ODAD2: variants seen among roughly 807,000 people sequenced by gnomAD.
The protein encoded by ODAD2 is outer dynein arm-docking complex subunit 2.
ODAD2 carries 89 observed loss-of-function variants against 106.8 expected under a neutral mutation model. The observed-to-expected ratio is 0.83, with a 90% CI of 0.70 to 0.99. ODAD2 has a LOEUF of 0.99. Ranked by LOEUF, ODAD2 falls within the 50% of genes least tolerant of loss-of-function variation. ODAD2 has a pLI of 0.00. For synonymous variants in ODAD2, 404 were observed against 436.2 expected, an observed-to-expected ratio of 0.93 and a Z score of 0.92; for missense variants, 1,168 against 1,238.5, an observed-to-expected ratio of 0.94 and a Z score of 0.85.
intron 15 of ODAD2, among the ~76,000 whole-genome samples, chr10:27,936,102 G>A (rs1019031240): frequency 4.6e-5 from 7 of 152,036 alleles, no homozygotes; most frequent in African/African-American, 9.7e-5. Context: ...TTAAATGGTC[G>A]GGACGTGAAT....
intron 16 of ODAD2, among the ~76,000 whole-genome samples, chr10:27,918,213 C>T (rs1398278677): frequency 1.3e-5 from 2 of 151,864 alleles, no homozygotes; most frequent in Non-Finnish European, 1.5e-5. Context: ...TTGACAAAGA[C>T]ATTACAAGGA....
At chr10:27,983,353 T>C (rs1849676613) in intron 6 of ODAD2, among the ~76,000 whole-genome samples, 2 of 152,178 alleles carry the variant, frequency 1.3e-5, no homozygotes, top group East Asian at 3.9e-4. Flanking sequence ...TGGTCTGAAC[T>C]CTGTGGGGAC....
At chr10:27,891,291 T>A (rs1842546045) in intron 17 of ODAD2, among the ~76,000 whole-genome samples, 1 of 152,168 alleles carries the variant, frequency 6.6e-6, no homozygotes, top group South Asian at 2.1e-4. Context: ...CTCTTCTCTT[T>A]TGGGGAATCA....
intron 17 of ODAD2, among the ~76,000 whole-genome samples, chr10:27,896,750 G>A (rs571248509): frequency 1.3e-5 from 2 of 152,110 alleles, no homozygotes; most frequent in South Asian, 2.1e-4. Context: ...TTCTAGATAC[G>A]TAGATATATG....
intron 19 of ODAD2, among the ~76,000 whole-genome samples, chr10:27,858,086 C>A (rs920468866): frequency 2.0e-5 from 3 of 152,184 alleles, no homozygotes; most frequent in Non-Finnish European, 4.4e-5. Context: ...TTACCTGGCT[C>A]GTGAAATCTT....
At chr10:27,982,963 CAGGCT>C (rs1231327963) in intron 6 of ODAD2, among the ~76,000 whole-genome samples, 2 of 152,200 alleles carry the variant, frequency 1.3e-5, no homozygotes, top group Non-Finnish European at 2.9e-5. Flanking sequence ...CTCCTTTCAC[CAGGCT>C]AGGTTATTAG....
At chr10:27,873,703 G>C (rs968316143) in intron 17 of ODAD2, among the ~76,000 whole-genome samples, 4 of 152,212 alleles carry the variant, frequency 2.6e-5, no homozygotes, top group Non-Finnish European at 5.9e-5. Flanking sequence ...TAGTTTGATT[G>C]CACTGTGGTC....
chr10:27,880,070 T>C (rs1427952146), intron 17 of ODAD2, among the ~76,000 whole-genome samples: 1 of 152,224 alleles, frequency 6.6e-6, no homozygotes. Flanking sequence ...GCAAACTCCA[T>C]GAGCTATTTC....
intron 15 of ODAD2, among the ~76,000 whole-genome samples, chr10:27,935,789 T>C (rs1845929482): frequency 6.6e-6 from 1 of 151,748 alleles, no homozygotes; most frequent in Non-Finnish European, 1.5e-5. Flanking sequence ...TGCACTCTGA[T>C]ATATATGTAT....
intron 12 of ODAD2, among the ~76,000 whole-genome samples, chr10:27,942,239 C>G (rs1846510298): frequency 6.6e-6 from 1 of 152,164 alleles, no homozygotes; most frequent in Admixed American, 6.5e-5. Flanking sequence ...GCCACTATGA[C>G]CAGCACTACT....
At chr10:27,980,634 C>G (rs926769597) in intron 7 of ODAD2, among the ~76,000 whole-genome samples, 2 of 152,110 alleles carry the variant, frequency 1.3e-5, no homozygotes, top group African/African-American at 4.8e-5. Flanking sequence ...CCACTTCACA[C>G]TGACTACGAT....
rs142240280 is a variant in ODAD2, at chr10:27,947,891, T to G, written c.1387-2929A>C. Among the ~76,000 whole-genome samples the G allele has an allele frequency of 3.5e-3, 536 of 152,340 alleles. 6 individuals carry two copies. The highest frequency in any genetic ancestry group is 0.012 in the African/African-American group (499 of 41,578). ...TGAGGACTTGCTTGACTGCTATTCT[T>G]GCATTATAATGTTTTCTTTGGTAGC... On this transcript the variant is annotated intron_variant, in intron 10 of 19. Coordinates refer to ENST00000305242, the MANE Select transcript of ODAD2 (RefSeq NM_018076.5).
intron 17 of ODAD2, among the ~76,000 whole-genome samples, chr10:27,903,702 G>A (rs749841237): frequency 2.0e-5 from 3 of 152,148 alleles, no homozygotes; most frequent in Non-Finnish European, 4.4e-5. Context: ...ATTCACAATT[G>A]CTACAAAGAG....
At chr10:27,977,544 C>T (rs991742465) in intron 7 of ODAD2, among the ~76,000 whole-genome samples, 2 of 151,874 alleles carry the variant, frequency 1.3e-5, no homozygotes, top group Non-Finnish European at 2.9e-5. Context: ...GCACTCCAGC[C>T]TGAGTGACAG....
chr10:27,842,289 T>C (rs1838362035), intron 19 of ODAD2, among the ~76,000 whole-genome samples: 1 of 152,130 alleles, frequency 6.6e-6, no homozygotes, highest in African/African-American at 2.4e-5. Context: ...CTGGGGATGG[T>C]GAATAGAAGG....
rs1847960599 is a variant in ODAD2, at chr10:27,959,382, T to C, written c.1386+2186A>G. On this transcript the variant is annotated intron_variant, in intron 10 of 19. Transcript: ENST00000305242. ...AAGTTCTCCACTGCCAGTTCTTTTTTTCTTTCCCCCAGATGACATGCTTTC... is the reference window on the plus strand; with the variant it reads ...AAGTTCTCCACTGCCAGTTCTTTTTCTCTTTCCCCCAGATGACATGCTTTC... Among the ~76,000 whole-genome samples the C allele has an allele frequency of 2.6e-5, 4 of 152,008 alleles. No individual in the cohort carries two copies. In the South Asian group the frequency reaches 8.3e-4, roughly 32 times the overall value.
intron 16 of ODAD2, among the ~76,000 whole-genome samples, chr10:27,922,013 A>G: frequency 6.6e-6 from 1 of 151,878 alleles, no homozygotes; most frequent in East Asian, 1.9e-4. Context: ...CAAAAACTAC[A>G]AAAATTAGCC....
intron 19 of ODAD2, 77 bp downstream of exon 19, chr10:27,860,548 A>G (rs1055568612): frequency 7.2e-7 from 1 of 1,387,256 alleles, no homozygotes; most frequent in African/African-American, 1.4e-5. Flanking sequence ...CTTTAGAGAA[A>G]TCTTAGTGAT....
intron 17 of ODAD2, among the ~76,000 whole-genome samples, chr10:27,874,130 T>C (rs945338653): frequency 3.9e-5 from 6 of 152,236 alleles, no homozygotes; most frequent in Admixed American, 1.3e-4. Flanking sequence ...TTGTCTCTTT[T>C]GATCTTTGTT....
Sources: gnomAD v4.1 joint callset for allele counts (sites outside exome capture counted in the v4.1 genomes callset) on GRCh38, gnomAD v4.1.1 for gene constraint, MANE v1.5 for transcripts, NCBI Gene and HGNC (gene_info 2026-07-23, HGNC 2026-07-21) for gene names.